Variants in SLC24A3 observed in about 807,000 individuals in gnomAD.
SLC24A3 encodes solute carrier family 24 member 3.
Under a neutral mutation model 75.8 loss-of-function variants are expected in SLC24A3, and 28 were observed. That is an observed-to-expected ratio of 0.37 (90% CI 0.27 to 0.51). SLC24A3 has a LOEUF of 0.51. SLC24A3 is among the 20% of genes least tolerant of loss of function. The probability of loss-of-function intolerance (pLI) is 0.94; values close to 1 mark genes in which losing one functional copy is unlikely to be tolerated. For synonymous variants in SLC24A3, 372 were observed against 334.1 expected, an observed-to-expected ratio of 1.11 and a Z score of -1.24; for missense variants, 663 against 847.8, an observed-to-expected ratio of 0.78 and a Z score of 2.71.
intron 2 of SLC24A3, among the ~76,000 whole-genome samples, chr20:19,356,432 G>A (rs1985682643): frequency 6.6e-6 from 1 of 152,216 alleles, no homozygotes; most frequent in Non-Finnish European, 1.5e-5. Context: ...GAGTGAATGA[G>A]ATTGTGCTAT....
intron 6 of SLC24A3, among the ~76,000 whole-genome samples, chr20:19,587,551 T>C (rs1043894539): frequency 1.3e-4 from 20 of 152,230 alleles, no homozygotes; most frequent in African/African-American, 4.8e-4. Context: ...TCCTTCTGAC[T>C]TTCCTGTCAT....
At chr20:19,562,258 G>A (rs1474042133) in intron 3 of SLC24A3, among the ~76,000 whole-genome samples, 3 of 152,046 alleles carry the variant, frequency 2.0e-5, no homozygotes, top group Non-Finnish European at 4.4e-5. Flanking sequence ...CATTAACAAT[G>A]AGAATATCTC....
intron 7 of SLC24A3, 40 bp from the exon 8 acceptor site, chr20:19,665,824 T>C: frequency 6.5e-7 from 1 of 1,547,880 alleles, no homozygotes; most frequent in Non-Finnish European, 8.7e-7. Flanking sequence ...TGTGTGTGTG[T>C]GTGTGTGTCT....
intron 6 of SLC24A3, among the ~76,000 whole-genome samples, chr20:19,624,504 G>A (rs1192407279): frequency 6.6e-6 from 1 of 152,126 alleles, no homozygotes; most frequent in African/African-American, 2.4e-5. Context: ...GGACAAAATA[G>A]CAGCGGCTAC....
At chr20:19,618,928 G>A (rs576110742) in intron 6 of SLC24A3, among the ~76,000 whole-genome samples, 11 of 152,214 alleles carry the variant, frequency 7.2e-5, no homozygotes, top group South Asian at 4.1e-4. Flanking sequence ...AAAGTGCTGC[G>A]TTGTTCAGAT....
intron 2 of SLC24A3, among the ~76,000 whole-genome samples, chr20:19,384,690 C>T (rs192367966): frequency 2.6e-5 from 4 of 152,312 alleles, no homozygotes; most frequent in East Asian, 1.9e-4. Flanking sequence ...CCTTTGGATA[C>T]ATACCCCAAA....
At chr20:19,318,627 C>T (rs935976505) in intron 2 of SLC24A3, among the ~76,000 whole-genome samples, 1 of 152,120 alleles carries the variant, frequency 6.6e-6, no homozygotes, top group African/African-American at 2.4e-5. Context: ...GGCCCCCTTG[C>T]AATCTCCAGT....
intron 7 of SLC24A3, among the ~76,000 whole-genome samples, chr20:19,664,268 G>T (rs1287229070): frequency 6.6e-6 from 1 of 152,216 alleles, no homozygotes; most frequent in Admixed American, 6.5e-5. Context: ...ATACAAAAGA[G>T]CTGTCAATGC....
chr20:19,354,106 G>A (rs1276884713), intron 2 of SLC24A3, among the ~76,000 whole-genome samples: 3 of 152,194 alleles, frequency 2.0e-5, no homozygotes, highest in Non-Finnish European at 4.4e-5. Context: ...GCAATGGAAA[G>A]CTACTCAATA....
intron 15 of SLC24A3, among the ~76,000 whole-genome samples, chr20:19,705,938 T>C (rs1421370284): frequency 6.6e-6 from 1 of 152,208 alleles, no homozygotes; most frequent in East Asian, 1.9e-4. Flanking sequence ...AAATGAGCAC[T>C]TCTTGTTCCA....
chr20:19,427,396 T>A (rs1987027841), intron 2 of SLC24A3, among the ~76,000 whole-genome samples: 1 of 152,218 alleles, frequency 6.6e-6, no homozygotes, highest in African/African-American at 2.4e-5. Flanking sequence ...TTCAAGGTAT[T>A]TCATCTGAAG....
intron 2 of SLC24A3, among the ~76,000 whole-genome samples, chr20:19,400,191 G>T (rs1255170193): frequency 2.6e-5 from 4 of 152,086 alleles, no homozygotes; most frequent in Non-Finnish European, 2.9e-5. Flanking sequence ...GGTCATTTTT[G>T]ATTGGATATA....
chr20:19,575,053 CA>C (rs373221202), intron 3 of SLC24A3, among the ~76,000 whole-genome samples: 11 of 151,938 alleles, frequency 7.2e-5, no homozygotes, highest in African/African-American at 2.7e-4. Flanking sequence ...AGTTTGAGAC[CA>C]GCCTGGGCAA....
chr20:19,298,082 C>T (rs1984101575), intron 2 of SLC24A3, among the ~76,000 whole-genome samples: 1 of 152,248 alleles, frequency 6.6e-6, no homozygotes, highest in African/African-American at 2.4e-5. Context: ...CCATGTTATT[C>T]TGTAGTGGAA....
intron 1 of SLC24A3, among the ~76,000 whole-genome samples, chr20:19,235,782 C>A (rs1443949107): frequency 6.6e-6 from 1 of 152,170 alleles, no homozygotes; most frequent in Non-Finnish European, 1.5e-5. Flanking sequence ...TTCATATGTC[C>A]CAGTTTCTCC....
intron 2 of SLC24A3, among the ~76,000 whole-genome samples, chr20:19,290,052 C>G (rs1001168383): frequency 2.6e-5 from 4 of 152,172 alleles, no homozygotes; most frequent in Non-Finnish European, 5.9e-5. Context: ...ACCACCACCA[C>G]CAGCAGCAGC....
rs1199462705 is a variant in SLC24A3 at position 19,360,880 on chromosome 20, G to A, written c.271+79793G>A. Among the ~76,000 whole-genome samples, 3 of 151,688 alleles carry A rather than the reference G, an allele frequency of 2.0e-5. No individual in the cohort carries two copies. In the East Asian group the frequency reaches 5.8e-4, roughly 29 times the overall value. On this transcript the variant is annotated intron_variant, in intron 2 of 16. Transcript: ENST00000328041. ...CTCGCTCTGTCGGCCAGGCTGGAGT[G>A]CAGTGGCACAATCTCGGCTCACTGC...
chr20:19,364,021 C>T (rs1236757207), intron 2 of SLC24A3, among the ~76,000 whole-genome samples: 2 of 152,108 alleles, frequency 1.3e-5, no homozygotes, highest in Non-Finnish European at 2.9e-5. Flanking sequence ...ACTGCAGATA[C>T]AGTAATGACC....
chr20:19,369,901 C>G (rs1290364266), intron 2 of SLC24A3, among the ~76,000 whole-genome samples: 1 of 152,100 alleles, frequency 6.6e-6, no homozygotes, highest in Admixed American at 6.5e-5. Context: ...CTTCTGGGCT[C>G]AAGCAGTCCT....
Sources: allele counts gnomAD v4.1 joint callset (sites outside exome capture counted in the v4.1 genomes callset), GRCh38; gene constraint gnomAD v4.1.1; transcripts MANE v1.5; gene names NCBI Gene and HGNC (gene_info 2026-07-23, HGNC 2026-07-21).